CERS6: variants seen among roughly 807,000 people sequenced by gnomAD.
The protein encoded by CERS6 is LAG1 homolog, ceramide synthase 6.
In CERS6, 26 loss-of-function variants were observed where a neutral mutation model predicts 56.8. That is an observed-to-expected ratio of 0.46 (90% CI 0.34 to 0.63). CERS6 has a LOEUF of 0.63. CERS6 is among the 30% of genes least tolerant of loss of function. CERS6 has a pLI of 0.01. For synonymous variants in CERS6, 164 were observed against 173.3 expected (o/e 0.95, Z 0.42); for missense variants, 415 against 467.5 (o/e 0.89, Z 1.04).
chr2:168,573,745 TGGGTGGCTGG>T (rs1400129414), intron 3 of CERS6, among the ~76,000 whole-genome samples: 6 of 152,086 alleles, frequency 3.9e-5, no homozygotes, highest in Non-Finnish European at 7.4e-5. Context: ...TCCTTCTCTG[TGGGTGGCTGG>T]GGGTGGAGCA....
At chr2:168,725,083 C>T (rs1406807456) in intron 8 of CERS6, among the ~76,000 whole-genome samples, 2 of 152,254 alleles carry the variant, frequency 1.3e-5, no homozygotes, top group African/African-American at 4.8e-5. Flanking sequence ...TCGAGCGCAG[C>T]GCCAGTGGGC....
chr2:168,731,868 A>G (rs190490421), intron 8 of CERS6, among the ~76,000 whole-genome samples: 3 of 152,240 alleles, frequency 2.0e-5, no homozygotes, highest in Non-Finnish European at 2.9e-5. Context: ...TTTGTGTACA[A>G]GTTCCTTAAA....
chr2:168,514,365 T>A (rs1694849029), intron 1 of CERS6, among the ~76,000 whole-genome samples: 1 of 152,176 alleles, frequency 6.6e-6, no homozygotes, highest in South Asian at 2.1e-4. Flanking sequence ...GGCTTGCTTT[T>A]CCTAGATTTA....
intron 1 of CERS6, among the ~76,000 whole-genome samples, chr2:168,523,495 G>A (rs916051552): frequency 6.6e-6 from 1 of 152,086 alleles, no homozygotes; most frequent in Non-Finnish European, 1.5e-5. Context: ...GAATGAAAGA[G>A]AGGTGGTCGT....
intron 1 of CERS6, among the ~76,000 whole-genome samples, chr2:168,526,814 C>T (rs1000458115): frequency 6.6e-6 from 1 of 152,200 alleles, no homozygotes; most frequent in Non-Finnish European, 1.5e-5. Context: ...AATAAATGTC[C>T]TGGTCAGTTA....
In CERS6 at chr2:168,769,520, A is replaced by G; in HGVS notation, c.1013A>G (p.Asp338Gly). The G allele has an allele frequency of 6.3e-7, 1 of 1,599,164 alleles. No homozygotes were observed. Among genetic ancestry groups the G allele is most frequent in the Non-Finnish European group, 8.5e-7 (1 of 1,175,464 alleles). Residue 338 changes from aspartate (D) to glycine (G), a missense_variant, in exon 10 of 10, where the codon GAT becomes GGT. Physicochemically the swap from Asp to Gly is moderately conservative, Grantham distance 94 (BLOSUM62 -1). Transcript: ENST00000305747. The stretch of plus-strand genomic sequence containing the variant: ...GCTTCTACTCCACAGGTGTCCAAGG[A>G]TGATCGAAGTGATATTGAGTCTAGC... The part of the protein sequence containing the change: ...KAVSRGKVSK[D>G]DRSDIESSSD...
At chr2:168,637,331 A>G (rs1474877651) in intron 4 of CERS6, among the ~76,000 whole-genome samples, 1 of 152,120 alleles carries the variant, frequency 6.6e-6, no homozygotes, top group Non-Finnish European at 1.5e-5. Flanking sequence ...CAGAAAAAAA[A>G]AGTAGCCAGG....
intron 8 of CERS6, among the ~76,000 whole-genome samples, chr2:168,740,852 G>A (rs1314219309): frequency 9.9e-5 from 15 of 152,182 alleles, no homozygotes; most frequent in Admixed American, 6.5e-5. Context: ...GAAGCCTATG[G>A]CAGTTACTGC....
At chr2:168,542,759 C>A (rs1024327902) in intron 1 of CERS6, among the ~76,000 whole-genome samples, 1 of 152,038 alleles carries the variant, frequency 6.6e-6, no homozygotes, top group East Asian at 1.9e-4. Context: ...TGCAGTGGCA[C>A]AATATTGGCC....
chr2:168,739,155 T>C (rs1340340177), intron 8 of CERS6, among the ~76,000 whole-genome samples: 1 of 144,580 alleles, frequency 6.9e-6, no homozygotes. Flanking sequence ...GTAATCCGCC[T>C]GCCTCGGCCT....
intron 1 of CERS6, among the ~76,000 whole-genome samples, chr2:168,498,637 C>T (rs1005059267): frequency 6.6e-6 from 1 of 152,176 alleles, no homozygotes; most frequent in African/African-American, 2.4e-5. Context: ...TACAGTTAGG[C>T]TCTTTATATC....
At position 168,694,978 on chromosome 2, in the gene CERS6, A is replaced by G. The variant is rs1686606710; in HGVS notation, c.536A>G (p.His179Arg). 6.2e-7 allele frequency: 1 copy of G among 1,613,260 alleles called. No homozygotes were observed. Among genetic ancestry groups the G allele is most frequent in the Non-Finnish European group, 8.5e-7 (1 of 1,179,508 alleles). ...CTTCAGCCACTCACAACTGACCTTC[A>G]CTACTATTACATCCTGGAGCTGTCG... ...YPYQPLTTDLHYYYILELSFY... is the reference protein window; with the variant it reads ...YPYQPLTTDLRYYYILELSFY... Residue 179 changes from histidine to arginine, a missense_variant, in exon 6 of 10, where the codon CAC becomes CGC. Transcript: ENST00000305747.
intron 3 of CERS6, among the ~76,000 whole-genome samples, chr2:168,628,606 A>G (rs770356041): frequency 6.6e-6 from 1 of 152,284 alleles, no homozygotes; most frequent in Non-Finnish European, 1.5e-5. Context: ...AGCCATCACT[A>G]AGATATGGGG....
chr2:168,578,066 G>C (rs530295141), intron 3 of CERS6, among the ~76,000 whole-genome samples: 6 of 152,282 alleles, frequency 3.9e-5, no homozygotes, highest in Non-Finnish European at 7.4e-5. Flanking sequence ...GGGAAACTAG[G>C]TTGAAAGCAG....
intron 1 of CERS6, among the ~76,000 whole-genome samples, chr2:168,521,021 G>A (rs1491000610): frequency 6.6e-6 from 1 of 152,192 alleles, no homozygotes; most frequent in African/African-American, 2.4e-5. Flanking sequence ...GCATGAAAAT[G>A]CTGTATTCTA....
chr2:168,605,384 T>C (rs781550790), intron 3 of CERS6, among the ~76,000 whole-genome samples: 7 of 152,258 alleles, frequency 4.6e-5, no homozygotes, highest in South Asian at 2.1e-4. Flanking sequence ...AGAAATGATA[T>C]CCAATTGGAA....
intron 4 of CERS6, among the ~76,000 whole-genome samples, chr2:168,638,347 A>G (rs918183015): frequency 3.9e-5 from 6 of 152,134 alleles, no homozygotes; most frequent in Non-Finnish European, 5.9e-5. Flanking sequence ...TACTATTCAC[A>G]TTAAGAAACT....
intron 8 of CERS6, among the ~76,000 whole-genome samples, chr2:168,719,295 T>G (rs775302393): frequency 1.3e-5 from 2 of 152,200 alleles, no homozygotes; most frequent in Admixed American, 6.5e-5. Flanking sequence ...TCCAAACATT[T>G]ACTGGACATA....
chr2:168,502,740 G>A (rs1260527848), intron 1 of CERS6, among the ~76,000 whole-genome samples: 1 of 152,238 alleles, frequency 6.6e-6, no homozygotes, highest in Non-Finnish European at 1.5e-5. Context: ...GCAGGCCCAA[G>A]TGAGGGCATG....
Sources: allele counts gnomAD v4.1 joint callset (sites outside exome capture counted in the v4.1 genomes callset), GRCh38; gene constraint gnomAD v4.1.1; transcripts MANE v1.5; gene names NCBI Gene and HGNC (gene_info 2026-07-23, HGNC 2026-07-21).